Variants in PLXND1 observed in about 807,000 individuals in gnomAD.
PLXND1 encodes plexin D1, also known as plexin-D1.
PLXND1 carries 54 observed loss-of-function variants against 197.7 expected under a neutral mutation model. The observed-to-expected ratio is 0.27, with a 90% CI of 0.22 to 0.34. The LOEUF (loss-of-function observed/expected upper bound fraction) is 0.34, where lower values mean the gene tolerates loss of function less well. Ranked by LOEUF, PLXND1 falls within the 10% of genes least tolerant of loss-of-function variation. The probability of loss-of-function intolerance (pLI) is 1.00; values close to 1 mark genes in which losing one functional copy is unlikely to be tolerated. For synonymous variants in PLXND1, 1,180 were observed against 1,161.2 expected (o/e 1.02, Z -0.33); for missense variants, 2,127 against 2,699.2 (o/e 0.79, Z 4.70).
rs995332618 is a variant in PLXND1 at position 129,558,875 on chromosome 3, G to A, written c.5298-300C>T. ...TCATTAGAACCAGGTGCCGGCCCCC[G>A]GGCACCCCTGGCTCCTCCCTGAACC... On this transcript the variant is annotated intron_variant, in intron 32 of 35. Coordinates refer to ENST00000324093, the MANE Select transcript of PLXND1 (RefSeq NM_015103.3). The surrounding 1 kb of genome is among the most constrained non-coding windows in gnomAD (Gnocchi z 4.1). Among the ~76,000 whole-genome samples the A allele has an allele frequency of 6.6e-6, 1 of 152,182 alleles. No homozygotes were observed. Among genetic ancestry groups the A allele is most frequent in the East Asian group, 1.9e-4 (1 of 5,172 alleles).
At chr3:129,564,917 G>T (rs2085115020) in intron 25 of PLXND1, among the ~76,000 whole-genome samples, 1 of 152,230 alleles carries the variant, frequency 6.6e-6, no homozygotes, top group Admixed American at 6.5e-5. Context: ...ACAGAGGGAG[G>T]CCTCGTGAGC....
In PLXND1 at chr3:129,571,777, C is replaced by A; in HGVS notation, c.3145G>T (p.Val1049Leu). Residue 1049 changes from valine to leucine, a missense_variant, in exon 16 of 36, where the codon GTG becomes TTG. Physicochemically the swap from Val to Leu is conservative, Grantham distance 32 (BLOSUM62 1). Around this residue, in one of 6 missense-constraint regions of PLXND1, gnomAD observed 1,095 missense variants for 1,259.8 expected, o/e 0.87. Coordinates refer to ENST00000324093, the MANE Select transcript of PLXND1 (RefSeq NM_015103.3). ...ACGCAGCCCCGACGCTCGAAGCGCA[C>A]ACACACAGGCACCGGAGCCGGCAGG... ...GALPAPVPVCVRFERRGCVHG... is the reference protein window; with the variant it reads ...GALPAPVPVCLRFERRGCVHG... The A allele has an allele frequency of 6.2e-7, 1 of 1,613,312 alleles. No individual in the cohort carries two copies. Among genetic ancestry groups the A allele is most frequent in the East Asian group, 2.2e-5 (1 of 44,874 alleles).
At chr3:129,578,583 C>T (rs1011902556) in intron 8 of PLXND1, 150 bp from the exon 9 acceptor site, 8 of 595,844 alleles carry the variant, frequency 1.3e-5, no homozygotes, top group East Asian at 2.9e-5. Flanking sequence ...AGCCCCACCC[C>T]GTGCCTCCCA....
At chr3:129,599,616 C>G (rs536569778) in intron 1 of PLXND1, among the ~76,000 whole-genome samples, 1 of 152,220 alleles carries the variant, frequency 6.6e-6, no homozygotes, top group African/African-American at 2.4e-5. Context: ...GGCTGATGAT[C>G]GCATTTTCAG....
intron 6 of PLXND1, 74 bp downstream of exon 6, chr3:129,584,311 C>T: frequency 6.3e-7 from 1 of 1,596,000 alleles, no homozygotes; most frequent in South Asian, 1.1e-5. Flanking sequence ...GACCTCTGGC[C>T]CCCTGCCATC....
intron 1 of PLXND1, among the ~76,000 whole-genome samples, chr3:129,595,854 G>T (rs1229140891): frequency 2.0e-5 from 3 of 151,826 alleles, no homozygotes; most frequent in South Asian, 4.1e-4. Flanking sequence ...AGCCTGGCTG[G>T]ATTAAGGACC....
intron 22 of PLXND1, among the ~76,000 whole-genome samples, chr3:129,567,246 G>C (rs2085153633): frequency 6.6e-6 from 1 of 152,154 alleles, no homozygotes; most frequent in South Asian, 2.1e-4. Context: ...AGCTGGCCAG[G>C]ACAGCGGGGC....
At position 129,602,338 on chromosome 3, in the gene PLXND1, AC is replaced by A. The variant is rs1313674912; in HGVS notation, c.1311+2990del. On this transcript the variant is annotated intron_variant, in intron 1 of 35. Coordinates refer to ENST00000324093, the MANE Select transcript of PLXND1 (RefSeq NM_015103.3). ...CCACTCTACTCGCCTGGCCACGCAG[AC>A]CCCCTCGAGCCTGCTCACAGCCTTC... is the stretch of plus-strand genomic sequence containing the variant. Among the ~76,000 whole-genome samples the A allele has an allele frequency of 2.6e-5, 4 of 151,864 alleles. No homozygotes were observed. The East Asian group carries it at 7.8e-4, about 29-fold the overall frequency.
intron 1 of PLXND1, among the ~76,000 whole-genome samples, chr3:129,593,769 C>T (rs1490380119): frequency 1.3e-5 from 2 of 152,146 alleles, no homozygotes; most frequent in Admixed American, 1.3e-4. Flanking sequence ...GGTATTCAGG[C>T]CCAGGCAACA....
intron 19 of PLXND1, among the ~76,000 whole-genome samples, 178 bp from the exon 20 acceptor site, chr3:129,570,135 G>A (rs2085202819): frequency 6.6e-6 from 1 of 152,178 alleles, no homozygotes; most frequent in Non-Finnish European, 1.5e-5. Flanking sequence ...GCTAAATGAG[G>A]GCTTGTCAAG....
Position 129,584,569 on chromosome 3 carries a change from G to A in PLXND1, c.1852-7C>T. The A allele has an allele frequency of 1.9e-6, 3 of 1,597,354 alleles. No homozygotes were observed. The highest frequency in any genetic ancestry group is 1.1e-5 in the South Asian group (1 of 88,176). On this transcript the variant is annotated splice_region_variant and splice_polypyrimidine_tract_variant and intron_variant, in intron 5 of 35. Coordinates refer to ENST00000324093, the MANE Select transcript of PLXND1 (RefSeq NM_015103.3). ...AGATCTGCAGGATCATGCCCTGGGG[G>A]CAAGGAGCCCTCAGCTCTGGGGGTC...
intron 25 of PLXND1, 127 bp downstream of exon 25, chr3:129,565,213 G>A: frequency 1.3e-6 from 1 of 756,532 alleles, no homozygotes; most frequent in South Asian, 1.6e-5. Flanking sequence ...CCTGTCTCAT[G>A]CAACACTCCC....
chr3:129,594,724 T>G (rs1011818659), intron 1 of PLXND1, among the ~76,000 whole-genome samples: 8 of 152,216 alleles, frequency 5.3e-5, no homozygotes, highest in African/African-American at 1.9e-4. Flanking sequence ...AAATGTTGGC[T>G]TCTTAGTTTT....
chr3:129,563,295 G>A (rs2713623), intron 25 of PLXND1, 55 bp from the exon 26 acceptor site: 377,778 of 1,476,466 alleles, frequency 0.26, 51,458 homozygotes, highest in Middle Eastern at 0.28. Flanking sequence ...CAGCCCCCAT[G>A]CTTTGGGCCA....
chr3:129,585,831 T>A (rs1302928896), intron 5 of PLXND1, 121 bp downstream of exon 5: 1 of 1,322,102 alleles, frequency 7.6e-7, no homozygotes, highest in Non-Finnish European at 1.1e-6. Context: ...CTGTTCTCAT[T>A]ATTTGTCTTC....
At chr3:129,585,775 C>T (rs376249886) in intron 5 of PLXND1, among the ~76,000 whole-genome samples, 177 bp downstream of exon 5, 1 of 152,232 alleles carries the variant, frequency 6.6e-6, no homozygotes, top group African/African-American at 2.4e-5. Flanking sequence ...GCACAGAGCA[C>T]GTGCCTGGCA....
At position 129,558,476 on chromosome 3, in the gene PLXND1, C is replaced by A. The variant is rs201200510; in HGVS notation, c.5397G>T (p.Ala1799=). 8.7e-6 allele frequency: 14 copies of A among 1,613,804 alleles called. No individual in the cohort carries two copies. Among genetic ancestry groups the A allele is most frequent in the South Asian group, 5.5e-5 (5 of 91,086 alleles). Residue 1799 remains alanine, a synonymous_variant, in exon 33 of 36, where the codon GCG becomes GCT. Transcript: ENST00000324093. The surrounding 1 kb of genome is among the most constrained non-coding windows in gnomAD (Gnocchi z 4.1). The part of the protein sequence containing the change: ...DHIDACLSVI[A]QAFIDACSIS... ...TGGAGCAGGCGTCGATGAAGGCCTG[C>A]GCGATGACTGAAAGGCAGGCGTCGA...
rs1435271314 is a variant in PLXND1, at chr3:129,557,665, C to T, written c.5446-442G>A. 6.6e-6 allele frequency among the ~76,000 whole-genome samples: 1 copy of T among 152,198 alleles called. No homozygotes were observed. The highest frequency in any genetic ancestry group is 1.9e-4 in the East Asian group (1 of 5,194). Reference sequence around the variant, plus strand: ...TAACGCCTGAAAGAAGTGCCAAGAACACTCCCAGTTCTTTGTCAGTCACGG... The same window carrying T: ...TAACGCCTGAAAGAAGTGCCAAGAATACTCCCAGTTCTTTGTCAGTCACGG... On this transcript the variant is annotated intron_variant, in intron 33 of 35. Transcript: ENST00000324093. This position sits in a 1 kb window ranked among gnomAD's most constrained non-coding sequence, Gnocchi z 4.8.
At position 129,556,812 on chromosome 3, in the gene PLXND1, C is replaced by T. The variant is rs950624192; in HGVS notation, c.5587-121G>A. On this transcript the variant is annotated intron_variant, in intron 34 of 35. Transcript: ENST00000324093. ...CCACGGCCCCCACAGAACAGTTCAG[C>T]GATGAGGCCCCTCAAGTCCCATGGA... 4.2e-5 allele frequency: 32 copies of T among 770,262 alleles called. No individual in the cohort carries two copies. The Admixed American group carries it at 5.8e-4, about 14-fold the overall frequency. The allele number at this position is 770,262 out of a possible 1,614,324, so 47.7% of individuals were successfully genotyped here.
Sources: allele counts gnomAD v4.1 joint callset (sites outside exome capture counted in the v4.1 genomes callset), GRCh38; gene constraint gnomAD v4.1.1; regional missense constraint gnomAD v4.1.1; non-coding constraint Gnocchi (gnomAD v3.1); transcripts MANE v1.5; gene names NCBI Gene and HGNC (gene_info 2026-07-23, HGNC 2026-07-21).